Variants in ARHGAP22 observed in about 807,000 individuals in gnomAD.
ARHGAP22 encodes the protein rho GTPase-activating protein 22.
Under a neutral mutation model 59.1 loss-of-function variants are expected in ARHGAP22, and 48 were observed. That is an observed-to-expected ratio of 0.81 (90% CI 0.64 to 1.03). The LOEUF (loss-of-function observed/expected upper bound fraction) is 1.03, where lower values mean the gene tolerates loss of function less well. ARHGAP22 is among the 50% of genes least tolerant of loss of function. The pLI is 0.00. For missense variants in ARHGAP22, 1,015 were observed against 958.7 expected (o/e 1.06, Z -0.78); for synonymous variants, 445 against 416.4 (o/e 1.07, Z -0.84).
chr10:48,576,118 G>A (rs79126110), intron 2 of ARHGAP22, among the ~76,000 whole-genome samples: 3,088 of 152,292 alleles, frequency 0.02, 44 homozygotes, highest in Non-Finnish European at 0.034. Flanking sequence ...GTTCCTGCCT[G>A]TAGGATGAGC....
chr10:48,447,325 G>A (rs1170388718), intron 9 of ARHGAP22, among the ~76,000 whole-genome samples: 1 of 152,172 alleles, frequency 6.6e-6, no homozygotes, highest in African/African-American at 2.4e-5. Context: ...CCCAGCCCCT[G>A]GGAACATATG....
At chr10:48,611,415 A>G (rs1166553337) in intron 1 of ARHGAP22, among the ~76,000 whole-genome samples, 1 of 152,086 alleles carries the variant, frequency 6.6e-6, no homozygotes, top group Non-Finnish European at 1.5e-5. Flanking sequence ...CCCTTCCTAG[A>G]AAAGAAGGGG....
In ARHGAP22 at chr10:48,467,065, C is replaced by A. The variant is rs79352398; in HGVS notation, c.452-7174G>T. ...CAGCAAGGAGGAGGTGCTGGCTTCA[C>A]AGTGGGGGTCCAGGCTCCAGGCCCT... On this transcript the variant is annotated intron_variant, in intron 4 of 9. Coordinates refer to ENST00000249601, the MANE Select transcript of ARHGAP22 (RefSeq NM_021226.4). Among the ~76,000 whole-genome samples the A allele has an allele frequency of 8.1e-3, 1,233 of 152,334 alleles. 13 individuals carry two copies. The highest frequency in any genetic ancestry group is 0.028 in the African/African-American group (1,184 of 41,578).
chr10:48,611,652 C>T (rs1369262534), intron 1 of ARHGAP22, among the ~76,000 whole-genome samples: 2 of 152,092 alleles, frequency 1.3e-5, no homozygotes, highest in African/African-American at 2.4e-5. Context: ...GCTTGTTGAA[C>T]AGATAGAAAG....
the ARHGAP22 span, chr10:48,439,429 C>G: frequency 6.6e-6 from 1 of 151,378 alleles, no homozygotes; most frequent in Admixed American, 6.6e-5. Flanking sequence ...TTAGGATTGT[C>G]CGTGGATTGG....
At chr10:48,471,725 A>T (rs1318663412) in intron 4 of ARHGAP22, among the ~76,000 whole-genome samples, 1 of 152,132 alleles carries the variant, frequency 6.6e-6, no homozygotes, top group Admixed American at 6.5e-5. Flanking sequence ...ATAGATTTGG[A>T]ATCTGATCAC....
chr10:48,493,345 A>AG, intron 3 of ARHGAP22: 1 of 1,319,752 alleles, frequency 7.6e-7, no homozygotes, highest in Non-Finnish European at 1.0e-6. Flanking sequence ...GGTTGCGGCC[A>AG]CCAAACACCA....
intron 5 of ARHGAP22, among the ~76,000 whole-genome samples, chr10:48,458,316 T>C (rs1053638696): frequency 6.6e-6 from 1 of 151,792 alleles, no homozygotes; most frequent in Non-Finnish European, 1.5e-5. Flanking sequence ...GAGAGTCAGG[T>C]CTGCATGGAA....
At chr10:48,608,330 A>G (rs2060752537), upstream of ARHGAP22, among the ~76,000 whole-genome samples, 1 of 152,176 alleles carries the variant, frequency 6.6e-6, no homozygotes. Context: ...TGTCCAGTAG[A>G]GGGAGGTAAG....
At chr10:48,557,019 G>T (rs1359234494) in intron 2 of ARHGAP22, among the ~76,000 whole-genome samples, 1 of 152,192 alleles carries the variant, frequency 6.6e-6, no homozygotes, top group Non-Finnish European at 1.5e-5. Flanking sequence ...TTTAAGCAAC[G>T]TTAATGTGGA....
At chr10:48,650,789 A>G (rs1006760661) in intron 1 of ARHGAP22, among the ~76,000 whole-genome samples, 2 of 152,206 alleles carry the variant, frequency 1.3e-5, no homozygotes, top group African/African-American at 4.8e-5. Context: ...AGGGAAAATA[A>G]TACCTGGAGA....
intron 3 of ARHGAP22, among the ~76,000 whole-genome samples, chr10:48,525,560 G>A (rs892429477): frequency 2.0e-5 from 3 of 152,190 alleles, no homozygotes; most frequent in African/African-American, 4.8e-5. Flanking sequence ...GTGACAGAGC[G>A]AGATTCTGTC....
chr10:48,541,401 C>T (rs565300908), intron 3 of ARHGAP22, among the ~76,000 whole-genome samples: 154 of 152,326 alleles, frequency 1.0e-3, no homozygotes, highest in African/African-American at 3.5e-3. Flanking sequence ...CTGCCCGGTG[C>T]GCTATCACCA....
intron 1 of ARHGAP22, among the ~76,000 whole-genome samples, chr10:48,599,753 G>A (rs1030821369): frequency 1.3e-5 from 2 of 152,180 alleles, no homozygotes; most frequent in Non-Finnish European, 2.9e-5. Flanking sequence ...GCTTGGCCAG[G>A]CTGACTTTCA....
chr10:48,569,652 C>T (rs192735814), intron 2 of ARHGAP22, among the ~76,000 whole-genome samples: 1 of 152,318 alleles, frequency 6.6e-6, no homozygotes, highest in South Asian at 2.1e-4. Flanking sequence ...AAGTGTGAGA[C>T]CTTTAAGTGC....
chr10:48,545,895 G>A (rs753508356), intron 3 of ARHGAP22, among the ~76,000 whole-genome samples: 4 of 152,252 alleles, frequency 2.6e-5, no homozygotes, highest in East Asian at 1.9e-4. Flanking sequence ...CATTCTACTC[G>A]TTCAAGCAGA....
chr10:48,482,273 G>A (rs1461988061), intron 3 of ARHGAP22, among the ~76,000 whole-genome samples: 1 of 152,164 alleles, frequency 6.6e-6, no homozygotes, highest in Non-Finnish European at 1.5e-5. Context: ...GTTACTTTTT[G>A]TATATGGGAG....
intron 1 of ARHGAP22, chr10:48,624,533 A>G (rs1589220115): frequency 6.6e-6 from 1 of 152,104 alleles, no homozygotes; most frequent in East Asian, 1.9e-4. Context: ...TCCCATCCCA[A>G]TGTTTTGGGC....
At chr10:48,489,586 T>G (rs547906429) in intron 3 of ARHGAP22, among the ~76,000 whole-genome samples, 1 of 152,236 alleles carries the variant, frequency 6.6e-6, no homozygotes, top group Non-Finnish European at 1.5e-5. Context: ...AGAATTACAC[T>G]GGCAAATATT....
Sources: allele counts gnomAD v4.1 joint callset (sites outside exome capture counted in the v4.1 genomes callset), GRCh38; gene constraint gnomAD v4.1.1; transcripts MANE v1.5; gene names NCBI Gene and HGNC (gene_info 2026-07-23, HGNC 2026-07-21).